The following IL1RAPL2 variants were observed in gnomAD, a reference collection of about 807,000 sequenced individuals.
IL1RAPL2 encodes interleukin 1 receptor accessory protein like 2, also known as X-linked interleukin-1 receptor accessory protein-like 2.
Under a neutral mutation model 44.1 loss-of-function variants are expected in IL1RAPL2, and 3 were observed. The observed-to-expected ratio is 0.07, with a 90% CI of 0.03 to 0.18. The LOEUF is 0.18. Ranked by LOEUF, IL1RAPL2 falls within the 10% of genes least tolerant of loss-of-function variation. The pLI is 1.00. For missense variants in IL1RAPL2, 391 were observed against 496.4 expected (o/e 0.79, Z 2.02); for synonymous variants, 181 against 178.8 (o/e 1.01, Z -0.10).
At chrX:105,685,091 A>G (rs1246503002) in intron 6 of IL1RAPL2, among the ~76,000 whole-genome samples, 1 of 112,128 alleles carries the variant, frequency 8.9e-6, no homozygotes, top group Admixed American at 9.4e-5. Context: ...AACCACAAAG[A>G]TTGGGAGAAA....
intron 2 of IL1RAPL2, among the ~76,000 whole-genome samples, chrX:104,964,691 C>T (rs1029091497): frequency 9.0e-6 from 1 of 111,514 alleles, no homozygotes; most frequent in Non-Finnish European, 1.9e-5. Flanking sequence ...CAAAGACAAA[C>T]AGATATGATT....
At chrX:105,544,122 G>A (rs1360808412) in intron 6 of IL1RAPL2, among the ~76,000 whole-genome samples, 12 of 111,583 alleles carry the variant, frequency 1.1e-4, no homozygotes, top group Non-Finnish European at 1.7e-4. Context: ...TCTAAGTCAT[G>A]TACTACTTTT....
chrX:105,000,501 G>A (rs1024236029), intron 2 of IL1RAPL2, among the ~76,000 whole-genome samples: 4 of 110,972 alleles, frequency 3.6e-5, no homozygotes, highest in African/African-American at 1.3e-4. Context: ...AGTACTGATT[G>A]TGCTGTCATC....
At chrX:104,726,627 T>C (rs1372383400) in intron 2 of IL1RAPL2, among the ~76,000 whole-genome samples, 1 of 111,559 alleles carries the variant, frequency 9.0e-6, no homozygotes. Context: ...CTAGGTACTT[T>C]ATTCTCTCTG....
intron 2 of IL1RAPL2, among the ~76,000 whole-genome samples, chrX:105,096,820 T>C (rs1175225696): frequency 8.9e-6 from 1 of 112,119 alleles, no homozygotes; most frequent in Admixed American, 9.5e-5. Context: ...ATTGCACACT[T>C]TAAACATACA....
At chrX:105,039,229 A>G (rs935236449) in intron 2 of IL1RAPL2, among the ~76,000 whole-genome samples, 1 of 112,098 alleles carries the variant, frequency 8.9e-6, no homozygotes, top group Non-Finnish European at 1.9e-5. Flanking sequence ...ACTAAGAATA[A>G]TGAAGTTAAA....
intron 6 of IL1RAPL2, among the ~76,000 whole-genome samples, chrX:105,601,314 T>C (rs1170496960): frequency 9.0e-6 from 1 of 111,199 alleles, no homozygotes; most frequent in African/African-American, 3.3e-5. Flanking sequence ...AAGTGCCCAA[T>C]GCTCACCTCC....
At chrX:105,471,435 A>G (rs2036165139) in intron 5 of IL1RAPL2, among the ~76,000 whole-genome samples, 1 of 111,906 alleles carries the variant, frequency 8.9e-6, no homozygotes, top group African/African-American at 3.2e-5. Flanking sequence ...ATAAGCAACC[A>G]TTTGCTCTGA....
chrX:104,728,887 A>G (rs1931848467), intron 2 of IL1RAPL2, among the ~76,000 whole-genome samples: 1 of 111,989 alleles, frequency 8.9e-6, no homozygotes, highest in Non-Finnish European at 1.9e-5. Flanking sequence ...AATATAAAAT[A>G]CAAAATGGAT....
chrX:104,870,074 T>G (rs774376425), intron 2 of IL1RAPL2, among the ~76,000 whole-genome samples: 11 of 112,344 alleles, frequency 9.8e-5, no homozygotes, highest in African/African-American at 3.5e-4. Context: ...AATAAAAATA[T>G]TACCATTGCA....
chrX:105,079,973 G>A (rs1021347644), intron 2 of IL1RAPL2, among the ~76,000 whole-genome samples: 1 of 112,090 alleles, frequency 8.9e-6, no homozygotes, highest in Admixed American at 9.5e-5. Flanking sequence ...TTTTATTCAG[G>A]TTGGTTGGCC....
intron 5 of IL1RAPL2, among the ~76,000 whole-genome samples, chrX:105,382,493 G>T (rs1311111221): frequency 1.9e-5 from 2 of 106,806 alleles, no homozygotes; most frequent in Non-Finnish European, 3.8e-5. Context: ...AGGATGTGGA[G>T]AAATAGGAAC....
Position 105,681,417 on chromosome X carries a change from T to C in IL1RAPL2, c.773-35950T>C, listed in dbSNP as rs777097964. ...GCATAAAAGACAAAGGACTTCCTTA[T>C]ACATCTTGAAAAGAAAACATTAAAA... On this transcript the variant is annotated intron_variant, in intron 6 of 10. Transcript: ENST00000372582. 3.6e-5 allele frequency among the ~76,000 whole-genome samples: 4 copies of C among 112,113 alleles called. No homozygotes were observed. In the East Asian group the frequency reaches 1.1e-3, roughly 32 times the overall value.
chrX:104,652,933 T>A (rs1427151629), intron 1 of IL1RAPL2, among the ~76,000 whole-genome samples: 1 of 111,038 alleles, frequency 9.0e-6, no homozygotes, highest in Non-Finnish European at 1.9e-5. Flanking sequence ...CATACATCTC[T>A]TCTTATTTCT....
intron 2 of IL1RAPL2, among the ~76,000 whole-genome samples, chrX:104,878,112 G>T (rs1922957968): frequency 9.0e-6 from 1 of 111,358 alleles, no homozygotes; most frequent in Non-Finnish European, 1.9e-5. Flanking sequence ...TGGACTAAGT[G>T]TGGTACCTTG....
intron 8 of IL1RAPL2, among the ~76,000 whole-genome samples, chrX:105,747,482 G>C (rs777572445): frequency 2.0e-3 from 123 of 60,938 alleles, no homozygotes; most frequent in Middle Eastern, 8.9e-3. Context: ...CTCTCTCTCT[G>C]TGTGTGTGTA....
intron 1 of IL1RAPL2, among the ~76,000 whole-genome samples, chrX:104,624,228 C>T (rs769824722): frequency 2.7e-5 from 3 of 111,411 alleles, no homozygotes; most frequent in Non-Finnish European, 3.8e-5. Context: ...AATGAACATT[C>T]CTCCTACTTG....
At chrX:105,036,043 A>G (rs1333392336) in intron 2 of IL1RAPL2, among the ~76,000 whole-genome samples, 1 of 111,962 alleles carries the variant, frequency 8.9e-6, no homozygotes, top group Non-Finnish European at 1.9e-5. Flanking sequence ...GCCTCTATGG[A>G]AGATCATGAG....
intron 6 of IL1RAPL2, among the ~76,000 whole-genome samples, chrX:105,671,759 T>C (rs1168673399): frequency 8.9e-6 from 1 of 111,887 alleles, no homozygotes; most frequent in Non-Finnish European, 1.9e-5. Flanking sequence ...ATCATTTCCT[T>C]TTCTCCCCAG....
Sources: allele counts gnomAD v4.1 joint callset (sites outside exome capture counted in the v4.1 genomes callset), GRCh38; gene constraint gnomAD v4.1.1; transcripts MANE v1.5; gene names NCBI Gene and HGNC (gene_info 2026-07-23, HGNC 2026-07-21).